SLFN12L: variants seen among roughly 807,000 people sequenced by gnomAD.
The protein encoded by SLFN12L is schlafen family member 12-like.
SLFN12L carries 34 observed loss-of-function variants against 34.8 expected under a neutral mutation model. That is an observed-to-expected ratio of 0.98 (90% CI 0.74 to 1.30). The LOEUF (loss-of-function observed/expected upper bound fraction) is 1.30, where lower values mean the gene tolerates loss of function less well. Ranked by LOEUF, SLFN12L falls within the 50% of genes most tolerant of loss-of-function variation. The probability of loss-of-function intolerance (pLI) is 0.00; values close to 1 mark genes in which losing one functional copy is unlikely to be tolerated. For missense variants in SLFN12L, 703 were observed against 696.2 expected (o/e 1.01, Z -0.11); for synonymous variants, 259 against 247.5 (o/e 1.05, Z -0.44).
intron 1 of SLFN12L, among the ~76,000 whole-genome samples, chr17:35,525,010 A>G (rs1015944549): frequency 1.3e-5 from 2 of 152,044 alleles, no homozygotes; most frequent in African/African-American, 4.8e-5. Context: ...AGAGAAGAAT[A>G]TAAATGACCT....
chr17:35,519,530 A>T (rs948034161), intron 2 of SLFN12L, among the ~76,000 whole-genome samples: 1 of 152,244 alleles, frequency 6.6e-6, no homozygotes, highest in African/African-American at 2.4e-5. Context: ...TCTCCTATAC[A>T]GAAGAATTCC....
chr17:35,520,082 C>T lies in SLFN12L; in HGVS notation c.86+2197G>A, dbSNP rs533760286. The stretch of plus-strand genomic sequence containing the variant: ...GCCTTGACAGGCAAGAATTGAGTCA[C>T]GCGTCCCTACACTTAAAGAATAAAC... On this transcript the variant is annotated intron_variant, in intron 2 of 4. Coordinates refer to ENST00000628453, the MANE Select transcript of SLFN12L (RefSeq NM_001363830.2). Among the ~76,000 whole-genome samples the T allele has an allele frequency of 3.3e-5, 5 of 152,000 alleles. No homozygotes were observed. In the South Asian group the frequency reaches 6.2e-4, roughly 19 times the overall value.
intron 2 of SLFN12L, among the ~76,000 whole-genome samples, chr17:35,501,258 G>A (rs541861819): frequency 1.3e-5 from 2 of 152,300 alleles, no homozygotes; most frequent in Admixed American, 1.3e-4. Context: ...AGCAGAGCAT[G>A]GCAGACCCCA....
At position 35,479,750 on chromosome 17, in the gene SLFN12L, C is replaced by G. The variant is rs1242771643; in HGVS notation, c.532G>C (p.Val178Leu). Residue 178 changes from valine (V) to leucine (L), a missense_variant, in exon 3 of 5, where the codon GTC becomes CTC. By Grantham distance (32) the Val-to-Leu change is conservative. Transcript: ENST00000628453. ...LYKRDVTSAK[V>L]MNASAALEFL... is the part of the protein sequence containing the mutation. Reference sequence around the variant, plus strand: ...TCCAGTGCAGCAGAAGCATTCATGACTTTTGCAGACGTTACATCTCTCTTG... The same window carrying G: ...TCCAGTGCAGCAGAAGCATTCATGAGTTTTGCAGACGTTACATCTCTCTTG... 1 of 1,614,114 alleles carries G rather than the reference C, an allele frequency of 6.2e-7. No individual in the cohort carries two copies. The highest frequency in any genetic ancestry group is 8.5e-7 in the Non-Finnish European group (1 of 1,179,984).
intron 2 of SLFN12L, among the ~76,000 whole-genome samples, chr17:35,487,052 A>C (rs1313795273): frequency 6.6e-6 from 1 of 152,244 alleles, no homozygotes; most frequent in African/African-American, 2.4e-5. Flanking sequence ...TCTAGGGCGC[A>C]GTTCGTCAGT....
rs867934749 is a variant in SLFN12L at position 35,469,883 on chromosome 17, C to G, written c.*5040G>C. Among the ~76,000 whole-genome samples the G allele has an allele frequency of 6.6e-6, 1 of 152,118 alleles. No individual in the cohort carries two copies. The highest frequency in any genetic ancestry group is 6.5e-5 in the Admixed American group (1 of 15,274). ...CAAACTATTGAGTCCTAAGCTGTTC[C>G]CCCTGCCCAGCTGGACCTTTCCCAC... On this transcript the variant is annotated 3_prime_UTR_variant, in exon 5 of 5. Transcript: ENST00000628453.
chr17:35,480,869 C>T (rs975295850), intron 2 of SLFN12L, among the ~76,000 whole-genome samples: 1 of 151,958 alleles, frequency 6.6e-6, no homozygotes, highest in African/African-American at 2.4e-5. Context: ...AGGGCACAAG[C>T]TCTTCCAGTA....
Position 35,487,842 on chromosome 17 carries a change from G to A in SLFN12L, c.87-7647C>T, listed in dbSNP as rs187177903. 247 of 1,304,960 alleles carry A rather than the reference G, an allele frequency of 1.9e-4. 3 individuals carry two copies. The African/African-American group carries it at 3.2e-3, about 17-fold the overall frequency. 80.8% of individuals were successfully genotyped at this position (1,304,960 alleles called of 1,614,324 possible). Reference sequence around the variant, plus strand: ...CCCCTCGCTCAGCTGCATTTCTATCGGGCACTCGACTCCCCGGAAGTGGTG... The same window carrying A: ...CCCCTCGCTCAGCTGCATTTCTATCAGGCACTCGACTCCCCGGAAGTGGTG... On this transcript the variant is annotated intron_variant, in intron 2 of 4. Coordinates refer to ENST00000628453, the MANE Select transcript of SLFN12L (RefSeq NM_001363830.2).
In SLFN12L at chr17:35,475,081, A is replaced by C. The variant is rs762397057; in HGVS notation, c.1681T>G (p.Tyr561Asp). Residue 561 changes from tyrosine (Y) to aspartate (D), a missense_variant, in exon 5 of 5, where the codon TAC (tyrosine) becomes GAC (aspartate). Tyr to Asp is a radical substitution (Grantham distance 160, BLOSUM62 -3). Coordinates refer to ENST00000628453, the MANE Select transcript of SLFN12L (RefSeq NM_001363830.2). Reference sequence around the variant, plus strand: ...GTTGTCCAATAGTAGGATTCAGGGTAAATTACTTGCGAGTTTAAATCATAC... The same window carrying C: ...GTTGTCCAATAGTAGGATTCAGGGTCAATTACTTGCGAGTTTAAATCATAC... ...CQYDLNSQVI[Y>D]PESYYWTTAQ... 6.2e-7 allele frequency: 1 copy of C among 1,614,106 alleles called. No individual in the cohort carries two copies. Among genetic ancestry groups the C allele is most frequent in the Non-Finnish European group, 8.5e-7 (1 of 1,179,922 alleles).
rs371457699 is a variant in SLFN12L at position 35,520,256 on chromosome 17, T to C, written c.86+2023A>G. On this transcript the variant is annotated intron_variant, in intron 2 of 4. Transcript: ENST00000628453. Reference sequence around the variant, plus strand: ...TGCTCCACCAGCCCTAACTACAGCTTTGACTGGACAAGAGACTGATTTTAG... The same window carrying C: ...TGCTCCACCAGCCCTAACTACAGCTCTGACTGGACAAGAGACTGATTTTAG... Among the ~76,000 whole-genome samples the C allele has an allele frequency of 3.9e-5, 6 of 152,318 alleles. 1 individual carries two copies. Among genetic ancestry groups the C allele is most frequent in the South Asian group, 2.1e-4 (1 of 4,828 alleles).
chr17:35,532,901 A>G (rs2072425526), intron 1 of SLFN12L, among the ~76,000 whole-genome samples: 1 of 152,184 alleles, frequency 6.6e-6, no homozygotes, highest in African/African-American at 2.4e-5. Flanking sequence ...AAAACAAACC[A>G]AAAGACAAAA....
intron 2 of SLFN12L, chr17:35,498,510 C>T: frequency 1.6e-6 from 2 of 1,225,242 alleles, no homozygotes; most frequent in Non-Finnish European, 2.4e-6. Flanking sequence ...CCTTTATCCT[C>T]TCTTTGTCTG....
At chr17:35,478,321 T>C (rs1914130370) in intron 3 of SLFN12L, 136 bp from the exon 4 acceptor site, 3 of 568,830 alleles carry the variant, frequency 5.3e-6, no homozygotes, top group Non-Finnish European at 9.2e-6. Flanking sequence ...TTAGATATTG[T>C]GGTTACATAT....
At chr17:35,487,216 C>A in intron 2 of SLFN12L, among the ~76,000 whole-genome samples, 1 of 152,282 alleles carries the variant, frequency 6.6e-6, no homozygotes, top group Non-Finnish European at 1.5e-5. Context: ...CAACACCTCA[C>A]GGGCTTGAGC....
In SLFN12L at chr17:35,491,029, C is replaced by T; in HGVS notation, c.87-10834G>A. 3.8e-6 allele frequency: 3 copies of T among 788,266 alleles called. No homozygotes were observed. The Admixed American group carries it at 5.1e-5, about 13-fold the overall frequency. 48.8% of individuals were successfully genotyped at this position (788,266 alleles called of 1,614,324 possible). On this transcript the variant is annotated intron_variant, in intron 2 of 4. Transcript: ENST00000628453. ...CTCCTCCGGCCTCCCCAGCCAACCT[C>T]TTACAGCAGACTGCGGACCAAATTC...
At chr17:35,518,630 A>C (rs564900584) in intron 2 of SLFN12L, among the ~76,000 whole-genome samples, 1 of 152,322 alleles carries the variant, frequency 6.6e-6, no homozygotes, top group African/African-American at 2.4e-5. Flanking sequence ...GAGAAAAGCA[A>C]ATCAAAACCA....
chr17:35,506,960 C>T (rs929614772), intron 2 of SLFN12L, among the ~76,000 whole-genome samples: 1 of 152,204 alleles, frequency 6.6e-6, no homozygotes, highest in African/African-American at 2.4e-5. Context: ...AAAACAGCCA[C>T]CTGGTGGAGT....
At chr17:35,514,576 C>T (rs1416902027) in intron 2 of SLFN12L, among the ~76,000 whole-genome samples, 1 of 152,144 alleles carries the variant, frequency 6.6e-6, no homozygotes, top group Admixed American at 6.6e-5. Context: ...ATGAAAAGAT[C>T]TCTATCAAAA....
intron 2 of SLFN12L, among the ~76,000 whole-genome samples, chr17:35,481,293 C>G (rs1201983376): frequency 6.6e-6 from 1 of 152,198 alleles, no homozygotes; most frequent in Non-Finnish European, 1.5e-5. Flanking sequence ...GCTCCACCAC[C>G]TCTTGTGGAA....
Sources: allele counts gnomAD v4.1 joint callset (sites outside exome capture counted in the v4.1 genomes callset), GRCh38; gene constraint gnomAD v4.1.1; transcripts MANE v1.5; gene names NCBI Gene and HGNC (gene_info 2026-07-23, HGNC 2026-07-21).